The following PPP2R5C variants were observed in gnomAD, a reference collection of about 807,000 sequenced individuals.
The protein encoded by PPP2R5C is protein phosphatase 2 regulatory subunit B'gamma.
PPP2R5C carries 7 observed loss-of-function variants against 68.9 expected under a neutral mutation model. That is an observed-to-expected ratio of 0.10 (90% CI 0.06 to 0.19). The LOEUF is 0.19. Ranked by LOEUF, PPP2R5C falls within the 10% of genes least tolerant of loss-of-function variation. The probability of loss-of-function intolerance (pLI) is 1.00; values close to 1 mark genes in which losing one functional copy is unlikely to be tolerated. For synonymous variants in PPP2R5C, 210 were observed against 222.2 expected (o/e 0.95, Z 0.49); for missense variants, 348 against 641.3 (o/e 0.54, Z 4.94).
rs1595477028 is a variant in PPP2R5C at position 101,888,022 on chromosome 14, G to A, written c.630-2215G>A. ...ACTGTCCTTATTTCTTCTTTCTTCT[G>A]CCTACATCAAAGCAGGTTTAAAAAA... On this transcript the variant is annotated intron_variant, in intron 5 of 13. Transcript: ENST00000334743. This position sits in a 1 kb window ranked among gnomAD's most constrained non-coding sequence, Gnocchi z 5.6. 6.6e-6 allele frequency among the ~76,000 whole-genome samples: 1 copy of A among 152,264 alleles called. No homozygotes were observed. Among genetic ancestry groups the A allele is most frequent in the African/African-American group, 2.4e-5 (1 of 41,556 alleles).
intron 2 of PPP2R5C, among the ~76,000 whole-genome samples, chr14:101,776,350 T>TA (rs2140000808): frequency 6.6e-6 from 1 of 152,288 alleles, no homozygotes; most frequent in African/African-American, 2.4e-5. Context: ...CCTTTTTTTT[T>TA]AGATGTTGCC....
At chr14:101,880,433 G>C (rs888781491) in intron 2 of PPP2R5C, among the ~76,000 whole-genome samples, 1 of 152,138 alleles carries the variant, frequency 6.6e-6, no homozygotes, top group Non-Finnish European at 1.5e-5. Flanking sequence ...GATGCTCAGA[G>C]CTTTTATAGC....
chr14:101,842,395 G>A (rs1312030397), intron 1 of PPP2R5C, among the ~76,000 whole-genome samples: 9 of 152,212 alleles, frequency 5.9e-5, no homozygotes, highest in African/African-American at 1.4e-4. Context: ...CAGTGGCTAC[G>A]TTGCTTGTTG....
At position 101,781,048 on chromosome 14, in the gene PPP2R5C, C is replaced by T. The variant is rs980838260; in HGVS notation, c.94-4970C>T. ...ACCATGGAATGCAGCGTGGGGCAGC[C>T]GCTCCCCAGCCTTCCTCCCTAGCCG... On this transcript the variant is annotated intron_variant, in intron 2 of 14. Coordinates refer to the PPP2R5C transcript ENST00000328724. This position sits in a 1 kb window ranked among gnomAD's most constrained non-coding sequence, Gnocchi z 6.4. Among the ~76,000 whole-genome samples, 2 of 152,160 alleles carry T rather than the reference C, an allele frequency of 1.3e-5. No homozygotes were observed. The highest frequency in any genetic ancestry group is 4.8e-5 in the African/African-American group (2 of 41,444).
intron 1 of PPP2R5C, chr14:101,821,093 AT>A (rs1031150067): frequency 2.7e-5 from 4 of 148,750 alleles, no homozygotes; most frequent in Non-Finnish European, 4.4e-5. Context: ...AAAAAAAAAA[AT>A]AAAATAAAAA....
At chr14:101,764,026 TGTGG>T (rs1009599794) in intron 2 of PPP2R5C, among the ~76,000 whole-genome samples, 28 of 145,154 alleles carry the variant, frequency 1.9e-4, no homozygotes, top group African/African-American at 7.2e-4. Flanking sequence ...TGTGTGTGTG[TGTGG>T]GCGCGCGCAC....
At position 101,917,838 on chromosome 14, in the gene PPP2R5C, T is replaced by C; in HGVS notation, c.1334T>C (p.Val445Ala). The C allele has an allele frequency of 6.2e-7, 1 of 1,613,452 alleles. No homozygotes were observed. The highest frequency in any genetic ancestry group is 8.5e-7 in the Non-Finnish European group (1 of 1,179,580). ...CCACGCTTTGCATTGCAGTACACAG[T>C]GTATAGTCAAGCCAGCACCATGAGC... is the stretch of plus-strand genomic sequence containing the variant. The change falls in exon 13 of 14, where the codon GTG (valine) becomes GCG (alanine). Residue 445 changes from valine (V) to alanine (A), a missense_variant. Physicochemically the swap from Val to Ala is moderately conservative, Grantham distance 64 (BLOSUM62 0). This residue lies in a region of PPP2R5C where 118 missense variants were observed against 108.9 expected (regional missense o/e 1.08). Coordinates refer to ENST00000334743, the Ensembl canonical transcript of PPP2R5C. This position sits in a 1 kb window ranked among gnomAD's most constrained non-coding sequence, Gnocchi z 4.4.
At chr14:101,792,144 G>A (rs1355166786) in intron 3 of PPP2R5C, among the ~76,000 whole-genome samples, 3 of 152,118 alleles carry the variant, frequency 2.0e-5, no homozygotes, top group Non-Finnish European at 4.4e-5. Flanking sequence ...TACATCAGAG[G>A]CAACGCTTTA....
chr14:101,912,719 T>C, intron 12 of PPP2R5C: 1 of 715,910 alleles, frequency 1.4e-6, no homozygotes, highest in South Asian at 5.2e-5. Flanking sequence ...CTGAATCTTA[T>C]GCATATACTG....
intron 2 of PPP2R5C, among the ~76,000 whole-genome samples, chr14:101,859,787 A>T (rs1160778647): frequency 1.3e-5 from 2 of 152,206 alleles, no homozygotes; most frequent in Non-Finnish European, 2.9e-5. Flanking sequence ...GAAGCTCTGC[A>T]GCTTAGAGCC....
chr14:101,789,077 C>T (rs1334060123), intron 3 of PPP2R5C, among the ~76,000 whole-genome samples: 1 of 152,168 alleles, frequency 6.6e-6, no homozygotes, highest in Non-Finnish European at 1.5e-5. Context: ...CGTCACCTTA[C>T]CACATTTTCG....
intron 6 of PPP2R5C, 85 bp downstream of exon 8, chr14:101,890,381 T>C: frequency 1.5e-6 from 2 of 1,309,994 alleles, no homozygotes; most frequent in Non-Finnish European, 2.2e-6. Flanking sequence ...CTGCCCGCTT[T>C]AAAGCAAGGC....
At chr14:101,764,389 T>C (rs543333445) in intron 2 of PPP2R5C, among the ~76,000 whole-genome samples, 2 of 152,360 alleles carry the variant, frequency 1.3e-5, no homozygotes, top group African/African-American at 4.8e-5. Context: ...AAATGACGTT[T>C]ATTTGCCAGT....
rs1287020641 is a variant in PPP2R5C at position 101,915,538 on chromosome 14, G to A, written c.1327-2293G>A. Reference sequence around the variant, plus strand: ...GTGCTCCAAGCGGAGGCTGTTGGTGGGTCCCATGAAGAGCACTGCTTGTTG... The same window carrying A: ...GTGCTCCAAGCGGAGGCTGTTGGTGAGTCCCATGAAGAGCACTGCTTGTTG... On this transcript the variant is annotated intron_variant, in intron 12 of 13. Coordinates refer to ENST00000334743, the Ensembl canonical transcript of PPP2R5C. This position sits in a 1 kb window ranked among gnomAD's most constrained non-coding sequence, Gnocchi z 4.2. Among the ~76,000 whole-genome samples the A allele has an allele frequency of 6.6e-6, 1 of 152,218 alleles. No homozygotes were observed. Among genetic ancestry groups the A allele is most frequent in the East Asian group, 1.9e-4 (1 of 5,198 alleles).
At chr14:101,813,571 C>T (rs1161576188) in intron 1 of PPP2R5C, among the ~76,000 whole-genome samples, 1 of 152,242 alleles carries the variant, frequency 6.6e-6, no homozygotes, top group East Asian at 1.9e-4. Flanking sequence ...GCCCACTTCC[C>T]ACCCTGCAGC....
exon 14 of PPP2R5C, chr14:101,925,508 AC>A: frequency 1.9e-6 from 1 of 534,936 alleles, no homozygotes; most frequent in Non-Finnish European, 3.1e-6. Flanking sequence ...TGTCGCCGCC[AC>A]CCCAGCGTAG....
chr14:101,877,893 C>G lies in PPP2R5C; in HGVS notation c.295-4268C>G, dbSNP rs981880875. On this transcript the variant is annotated intron_variant, in intron 2 of 13. Coordinates refer to ENST00000334743, the Ensembl canonical transcript of PPP2R5C. This position sits in a 1 kb window ranked among gnomAD's most constrained non-coding sequence, Gnocchi z 4.2. ...TTGGCCTGGAATGAACCTTCCCGGA[C>G]CTAGGTCGGTCATCAGTCAAGGACG... is the stretch of plus-strand genomic sequence containing the variant. Among the ~76,000 whole-genome samples, 1 of 152,198 alleles carries G rather than the reference C, an allele frequency of 6.6e-6. No individual in the cohort carries two copies. Among genetic ancestry groups the G allele is most frequent in the Non-Finnish European group, 1.5e-5 (1 of 68,038 alleles).
intron 1 of PPP2R5C, among the ~76,000 whole-genome samples, chr14:101,846,327 C>A (rs2041828275): frequency 1.3e-5 from 2 of 151,996 alleles, no homozygotes. Context: ...TCATTGTAGT[C>A]CAAACCATTT....
At chr14:101,873,625 CCT>C (rs983075958) in intron 2 of PPP2R5C, among the ~76,000 whole-genome samples, 2 of 152,154 alleles carry the variant, frequency 1.3e-5, no homozygotes, top group Non-Finnish European at 2.9e-5. Context: ...CTTTTCCCAA[CCT>C]CTGGTAGTTT....
Sources: allele counts gnomAD v4.1 joint callset (sites outside exome capture counted in the v4.1 genomes callset), GRCh38; gene constraint gnomAD v4.1.1; regional missense constraint gnomAD v4.1.1; non-coding constraint Gnocchi (gnomAD v3.1); transcripts MANE v1.5; gene names NCBI Gene and HGNC (gene_info 2026-07-23, HGNC 2026-07-21).